USP15: variants seen among roughly 807,000 people sequenced by gnomAD.
The protein encoded by USP15 is ubiquitin specific peptidase 15.
USP15 carries 18 observed loss-of-function variants against 127.1 expected under a neutral mutation model. That is an observed-to-expected ratio of 0.14 (90% confidence interval 0.10 to 0.21). The LOEUF (loss-of-function observed/expected upper bound fraction) is 0.21. Among genes scored for constraint, USP15 ranks in the 10% least tolerant of loss-of-function variants. USP15 has a pLI of 1.00. For synonymous variants in USP15, 364 were observed against 393.7 expected (o/e 0.92, Z 0.89); for missense variants, 805 against 1,159.9 (o/e 0.69, Z 4.44).
chr12:62,321,630 A>C (rs2064985533), intron 5 of USP15, 21 bp downstream of exon 5: 2 of 1,498,134 alleles, frequency 1.3e-6, no homozygotes, highest in Non-Finnish European at 1.8e-6. Context: ...TTTTAAGCAT[A>C]CTGTATTATA....
rs528929479 is a variant in USP15 at position 62,342,420 on chromosome 12, G to T, written c.684-6801G>T. On this transcript the variant is annotated intron_variant, in intron 6 of 21. Coordinates refer to ENST00000280377, the MANE Select transcript of USP15 (RefSeq NM_001252078.2). ...TCTGAAATCTTTTGTTAATTCATCA[G>T]TCTCAGTCTCCATCCAGTTTTGTGC... 2.2e-4 allele frequency among the ~76,000 whole-genome samples: 33 copies of T among 152,110 alleles called. 1 individual carries two copies. Among genetic ancestry groups the T allele is most frequent in the African/African-American group, 7.7e-4 (32 of 41,506 alleles).
chr12:62,293,547 G>A (rs1019593691), intron 1 of USP15, among the ~76,000 whole-genome samples: 7 of 152,050 alleles, frequency 4.6e-5, no homozygotes, highest in African/African-American at 1.7e-4. Flanking sequence ...GTAGAGACGG[G>A]GTTTCACGAT....
intron 8 of USP15, among the ~76,000 whole-genome samples, chr12:62,367,219 T>G (rs766570768): frequency 3.6e-4 from 54 of 151,908 alleles, no homozygotes; most frequent in Non-Finnish European, 5.7e-4. Context: ...GGAGTTGTTT[T>G]TTTGTTTGTT....
At chr12:62,344,347 T>A (rs567343860) in intron 6 of USP15, among the ~76,000 whole-genome samples, 1 of 152,296 alleles carries the variant, frequency 6.6e-6, no homozygotes, top group African/African-American at 2.4e-5. Context: ...AGTCAAATCT[T>A]AAAGCTCCAA....
intron 1 of USP15, among the ~76,000 whole-genome samples, chr12:62,283,423 A>T (rs939590517): frequency 1.1e-4 from 17 of 151,632 alleles, no homozygotes; most frequent in African/African-American, 2.9e-4. Context: ...ATGTTGTCAT[A>T]AAAAAAAAGA....
At chr12:62,283,336 A>G (rs2063702031) in intron 1 of USP15, among the ~76,000 whole-genome samples, 1 of 152,240 alleles carries the variant, frequency 6.6e-6, no homozygotes, top group Non-Finnish European at 1.5e-5. Flanking sequence ...CTAAGTTCAT[A>G]AGCAGTATTT....
chr12:62,345,747 TG>T (rs552567931), intron 6 of USP15, among the ~76,000 whole-genome samples: 320 of 151,586 alleles, frequency 2.1e-3, no homozygotes, highest in Non-Finnish European at 4.2e-3. Flanking sequence ...GTTTCTGGGG[TG>T]GGGGGGCCTC....
At chr12:62,314,691 G>A (rs2064780314) in intron 3 of USP15, 99 bp from the exon 4 acceptor site, 3 of 1,145,634 alleles carry the variant, frequency 2.6e-6, no homozygotes, top group Non-Finnish European at 2.3e-6. Context: ...GTTTTTCACT[G>A]GAGATCTGCA....
chr12:62,391,288 G>T lies in USP15; in HGVS notation c.2092G>T (p.Asp698Tyr). 1.2e-6 allele frequency: 2 copies of T among 1,613,576 alleles called. No individual in the cohort carries two copies. Among genetic ancestry groups the T allele is most frequent in the Non-Finnish European group, 1.7e-6 (2 of 1,179,704 alleles). Residue 698 changes from aspartate to tyrosine, a missense_variant, in exon 16 of 22, where the codon GAT becomes TAT. Asp to Tyr is a radical substitution (Grantham distance 160). Around this residue, in one of 11 missense-constraint regions of USP15, gnomAD observed 225 missense variants for 239.5 expected, o/e 0.94. Coordinates refer to ENST00000280377, the MANE Select transcript of USP15 (RefSeq NM_001252078.2). ...NDSENGLCTEDTCKGQLTGHK... is the reference protein window; with the variant it reads ...NDSENGLCTEYTCKGQLTGHK... ...TTCTGAAAATGGATTATGTACTGAG[G>T]ATACTTGCAAAGGTCAACTCACGGG...
intron 1 of USP15, among the ~76,000 whole-genome samples, chr12:62,272,511 A>G (rs1303929080): frequency 2.0e-5 from 3 of 152,030 alleles, no homozygotes; most frequent in African/African-American, 7.2e-5. Flanking sequence ...CTGCTGTTGG[A>G]ATTTCCACAT....
At chr12:62,267,319 T>C (rs1394828614) in intron 1 of USP15, 1 of 152,156 alleles carries the variant, frequency 6.6e-6, no homozygotes, top group African/African-American at 2.4e-5. Context: ...TCAAGAAATC[T>C]AGCATAAGCC....
chr12:62,391,117 G>A (rs981981223), intron 15 of USP15, 40 bp from the exon 16 acceptor site: 5 of 1,564,908 alleles, frequency 3.2e-6, no homozygotes, highest in African/African-American at 2.8e-5. Context: ...TAAAAATATA[G>A]CATTGGGTTT....
Position 62,385,814 on chromosome 12 carries a change from T to C in USP15, c.1473+1512T>C, listed in dbSNP as rs1027890600. On this transcript the variant is annotated intron_variant, in intron 11 of 21. Coordinates refer to ENST00000280377, the MANE Select transcript of USP15 (RefSeq NM_001252078.2). ...TCTCTAGTTTATAACTTTGCAGATA[T>C]ACACCAATGAGTGTAATGGAGCAAG... Among the ~76,000 whole-genome samples the C allele has an allele frequency of 5.3e-5, 8 of 152,208 alleles. No homozygotes were observed. The South Asian group carries it at 1.7e-3, about 31-fold the overall frequency.
At chr12:62,331,871 CAAA>C (rs1443590840) in intron 6 of USP15, among the ~76,000 whole-genome samples, 1 of 152,104 alleles carries the variant, frequency 6.6e-6, no homozygotes, top group African/African-American at 2.4e-5. Context: ...AATACTCACT[CAAA>C]AGTCTTCTGT....
chr12:62,338,704 C>T (rs2065556907), intron 6 of USP15, among the ~76,000 whole-genome samples: 1 of 152,122 alleles, frequency 6.6e-6, no homozygotes, highest in Non-Finnish European at 1.5e-5. Context: ...CCAGTTTTCC[C>T]AGCACTGTTT....
chr12:62,322,568 C>G (rs947370070), intron 5 of USP15, among the ~76,000 whole-genome samples: 2 of 152,168 alleles, frequency 1.3e-5, no homozygotes, highest in African/African-American at 4.8e-5. Flanking sequence ...TTCATAGTCT[C>G]TTTACAAATT....
rs1021787110 is a variant in USP15, at chr12:62,300,858, A to G, written c.218-1932A>G. Among the ~76,000 whole-genome samples the G allele has an allele frequency of 1.2e-4, 19 of 152,240 alleles. No homozygotes were observed. In the East Asian group the frequency reaches 3.5e-3, roughly 28 times the overall value. On this transcript the variant is annotated intron_variant, in intron 2 of 21. Transcript: ENST00000280377. ...TTTTCTTGGATATGATTCAAAAGCA[A>G]GGTTGCTAAAAGAAAAAATGTAGTT...
In USP15 at chr12:62,391,409, A is replaced by G. The variant is rs1353983840; in HGVS notation, c.2213A>G (p.Asp738Gly). 1 of 1,611,512 alleles carries G rather than the reference A, an allele frequency of 6.2e-7. No individual in the cohort carries two copies. The highest frequency in any genetic ancestry group is 1.3e-5 in the African/African-American group (1 of 74,892). The change falls in exon 16 of 22, where the codon GAT (aspartate) becomes GGT (glycine). Residue 738 changes from aspartate to glycine, a missense_variant. By Grantham distance (94) the Asp-to-Gly change is moderately conservative. Transcript: ENST00000280377. The part of the protein sequence containing the change: ...KDDTRHIRFD[D>G]RQLRLDERSF... ...GATACCAGGCATATAAGATTTGATG[A>G]TAGGCAGCTTAGGCTAGATGGTAAG...
intron 1 of USP15, among the ~76,000 whole-genome samples, chr12:62,268,358 G>C (rs1340504293): frequency 6.6e-6 from 1 of 152,060 alleles, no homozygotes; most frequent in Non-Finnish European, 1.5e-5. Flanking sequence ...GCAACTTTTT[G>C]AAAGACAAAT....
Sources: allele counts gnomAD v4.1 joint callset (sites outside exome capture counted in the v4.1 genomes callset), GRCh38; gene constraint gnomAD v4.1.1; regional missense constraint gnomAD v4.1.1; transcripts MANE v1.5; gene names NCBI Gene and HGNC (gene_info 2026-07-23, HGNC 2026-07-21).